The following CPHXL variants were observed in gnomAD, a reference collection of about 807,000 sequenced individuals.
CPHXL encodes the protein cytoplasmic polyadenylated homeobox-like protein.
intron 1 of CPHXL, among the ~76,000 whole-genome samples, chr16:75,724,304 C>G (rs1408402080): frequency 6.6e-6 from 1 of 152,104 alleles, no homozygotes; most frequent in Non-Finnish European, 1.5e-5. Flanking sequence ...AGCTTCTGCA[C>G]AGTAAAAGGA....
intron 2 of CPHXL, among the ~76,000 whole-genome samples, chr16:75,717,831 A>G (rs113836326): frequency 6.6e-6 from 1 of 152,178 alleles, no homozygotes; most frequent in African/African-American, 2.4e-5. Context: ...CTGTATATAC[A>G]TATGTATTTT....
intron 2 of CPHXL, among the ~76,000 whole-genome samples, chr16:75,716,720 C>G (rs1226099262): frequency 1.3e-5 from 2 of 152,196 alleles, no homozygotes; most frequent in African/African-American, 4.8e-5. Flanking sequence ...TCCACCTCCT[C>G]TCCAGAAGTT....
chr16:75,725,041 C>T (rs143524475), intron 1 of CPHXL, among the ~76,000 whole-genome samples: 11,786 of 151,856 alleles, frequency 0.078, 768 homozygotes, highest in African/African-American at 0.17. Context: ...AACCAAACAC[C>T]GCTTGTTCTC....
intron 2 of CPHXL, among the ~76,000 whole-genome samples, chr16:75,717,481 A>G (rs1959409107): frequency 6.6e-6 from 1 of 152,188 alleles, no homozygotes; most frequent in African/African-American, 2.4e-5. Context: ...ACATTCTCTC[A>G]TATGCTTTAA....
intron 1 of CPHXL, among the ~76,000 whole-genome samples, chr16:75,721,953 C>T (rs1433207315): frequency 6.6e-6 from 1 of 152,178 alleles, no homozygotes; most frequent in Admixed American, 6.5e-5. Flanking sequence ...AAGAAACTCA[C>T]TCAAAACTGC....
chr16:75,725,825 G>A (rs1305040242), intron 1 of CPHXL, among the ~76,000 whole-genome samples: 2 of 140,616 alleles, frequency 1.4e-5, no homozygotes, highest in Non-Finnish European at 3.0e-5. Context: ...TCAAACTCCT[G>A]GGTTCAATTG....
rs1445651182 is a variant in CPHXL at position 75,714,744 on chromosome 16, GA to G, written c.697del (p.Ser233LeufsTer57). On this transcript the variant is annotated frameshift_variant, in exon 3 of 3. Coordinates refer to ENST00000640559, the MANE Select transcript of CPHXL (RefSeq NM_001355613.1). LOFTEE classifies it low-confidence loss of function (END_TRUNC). ...GYGGDTGSGH[S>X]GSGHSTAYHF... is the part of the protein sequence containing the mutation. ...ATAGGCAGTAGAATGCCCACTTCCA[GA>G]ATGCCCACTTCCTGTGTCACCTCCA... is the stretch of plus-strand genomic sequence containing the variant. 7.5e-6 allele frequency: 3 copies of G among 398,564 alleles called. No individual in the cohort carries two copies. Among genetic ancestry groups the G allele is most frequent in the African/African-American group, 6.2e-5 (3 of 48,642 alleles). 24.7% of individuals were successfully genotyped at this position (398,564 alleles called of 1,614,324 possible).
chr16:75,724,688 T>C (rs1313690456), intron 1 of CPHXL, among the ~76,000 whole-genome samples: 1 of 152,210 alleles, frequency 6.6e-6, no homozygotes. Flanking sequence ...GACTGTAAAG[T>C]AGTTCAACCA....
Position 75,714,173 on chromosome 16 carries a change from G to T in CPHXL, c.*51C>A, listed in dbSNP as rs150284376. ...TTTCTCTGACACTTAGCACTACTTT[G>T]CAGAGTTGCATCCTTGGTTCCCTGC... On this transcript the variant is annotated 3_prime_UTR_variant, in exon 3 of 3. Coordinates refer to ENST00000640559, the MANE Select transcript of CPHXL (RefSeq NM_001355613.1). 2.0e-3 allele frequency: 810 copies of T among 398,676 alleles called. 6 individuals are homozygous for T. The highest frequency in any genetic ancestry group is 0.015 in the African/African-American group (710 of 48,726). The allele number at this position is 398,676 out of a possible 1,614,324, so 24.7% of individuals were successfully genotyped here. A position where few individuals can be genotyped will look rare whatever the true frequency, so the allele number is the denominator to read the frequency against.
At chr16:75,717,100 A>G (rs763180409) in intron 2 of CPHXL, among the ~76,000 whole-genome samples, 5 of 152,156 alleles carry the variant, frequency 3.3e-5, no homozygotes, top group Non-Finnish European at 5.9e-5. Context: ...CATAACCCAC[A>G]CATAGTAAAC....
chr16:75,725,163 G>A (rs985124785), intron 1 of CPHXL, among the ~76,000 whole-genome samples: 3 of 151,876 alleles, frequency 2.0e-5, no homozygotes, highest in Non-Finnish European at 2.9e-5. Context: ...ATTAGGAGAT[G>A]TGCCTAATGT....
chr16:75,718,598 C>T (rs1959428363), intron 1 of CPHXL, 140 bp from the exon 2 acceptor site: 1 of 392,770 alleles, frequency 2.5e-6, no homozygotes, highest in Non-Finnish European at 4.5e-6. Context: ...CATAGCTACT[C>T]ACAATAATAA....
Position 75,720,624 on chromosome 16 carries a change from T to G in CPHXL, c.26-2166A>C, listed in dbSNP as rs149639025. Among the ~76,000 whole-genome samples the G allele has an allele frequency of 5.4e-3, 821 of 152,346 alleles. 3 individuals are homozygous for G. The highest frequency in any genetic ancestry group is 9.0e-3 in the Admixed American group (138 of 15,308). On this transcript the variant is annotated intron_variant, in intron 1 of 2. Coordinates refer to ENST00000640559, the MANE Select transcript of CPHXL (RefSeq NM_001355613.1). Reference sequence around the variant, plus strand: ...TATGTGAAAAGACCAAATCTACGTCTGATTGGTGGACCTGAAAGTCACAGA... The same window carrying G: ...TATGTGAAAAGACCAAATCTACGTCGGATTGGTGGACCTGAAAGTCACAGA...
intron 1 of CPHXL, among the ~76,000 whole-genome samples, chr16:75,719,597 G>A (rs1959445205): frequency 6.6e-6 from 1 of 152,194 alleles, no homozygotes; most frequent in African/African-American, 2.4e-5. Flanking sequence ...GGTAAAAAAA[G>A]CTGCCAGGAA....
rs955290935 is a variant in CPHXL at position 75,714,631 on chromosome 16, C to A, written c.811G>T (p.Glu271Ter). The change falls in exon 3 of 3, where the codon GAA becomes TAA. Residue 271 changes from glutamate to a stop codon, truncating the protein, a stop_gained. Coordinates refer to ENST00000640559, the MANE Select transcript of CPHXL (RefSeq NM_001355613.1). LOFTEE classifies it low-confidence loss of function (END_TRUNC). ...YFHGERTETK[E>*]SQHASPFLLD... Reference sequence around the variant, plus strand: ...AGGAAAGGACTTGCATGCTGGCTTTCCTTGGTTTCAGTCCTTTCTCCATGA... The same window carrying A: ...AGGAAAGGACTTGCATGCTGGCTTTACTTGGTTTCAGTCCTTTCTCCATGA... 7.5e-6 allele frequency: 3 copies of A among 398,532 alleles called. No homozygotes were observed. Among genetic ancestry groups the A allele is most frequent in the African/African-American group, 4.1e-5 (2 of 48,614 alleles). The allele number at this position is 398,532 out of a possible 1,614,324, so 24.7% of individuals were successfully genotyped here.
chr16:75,724,450 A>G (rs1959524994), intron 1 of CPHXL, among the ~76,000 whole-genome samples: 1 of 152,234 alleles, frequency 6.6e-6, no homozygotes, highest in Non-Finnish European at 1.5e-5. Flanking sequence ...CAACCCCATC[A>G]ACAAGTGGGT....
At chr16:75,723,190 C>A (rs8051458) in intron 1 of CPHXL, among the ~76,000 whole-genome samples, 9,559 of 152,146 alleles carry the variant, frequency 0.063, 442 homozygotes, top group African/African-American at 0.12. Flanking sequence ...AAAACTGGCA[C>A]AAGACAGGGA....
intron 1 of CPHXL, among the ~76,000 whole-genome samples, chr16:75,724,710 A>G (rs543464837): frequency 6.6e-5 from 10 of 152,204 alleles, no homozygotes; most frequent in Non-Finnish European, 1.5e-5. Flanking sequence ...TGTGGAAGTC[A>G]GTGTGGCGAT....
At chr16:75,720,291 G>A (rs138852669) in intron 1 of CPHXL, among the ~76,000 whole-genome samples, 2,174 of 152,182 alleles carry the variant, frequency 0.014, 62 homozygotes, top group African/African-American at 0.048. Context: ...GGCTTCAGAC[G>A]ATCAAACTAC....
Sources: gnomAD v4.1 joint callset for allele counts (sites outside exome capture counted in the v4.1 genomes callset) on GRCh38, gnomAD v4.1.1 for gene constraint, MANE v1.5 for transcripts, NCBI Gene and HGNC (gene_info 2026-07-23, HGNC 2026-07-21) for gene names.